Variants in GRHL2 observed in about 807,000 individuals in gnomAD.
GRHL2 encodes the protein grainyhead like transcription factor 2, also known as grainyhead-like protein 2 homolog.
In GRHL2, 21 loss-of-function variants were observed where a neutral mutation model predicts 83.8. The observed-to-expected ratio is 0.25, with a 90% confidence interval of 0.18 to 0.36. GRHL2 has a LOEUF of 0.36. Ranked by LOEUF, GRHL2 falls within the 10% of genes least tolerant of loss-of-function variation. GRHL2 has a pLI of 1.00. For synonymous variants in GRHL2, 280 were observed against 278.9 expected (o/e 1.00, Z -0.04); for missense variants, 623 against 781.8 (o/e 0.80, Z 2.42).
At chr8:101,617,542 C>T (rs1350921031) in intron 8 of GRHL2, among the ~76,000 whole-genome samples, 3 of 152,148 alleles carry the variant, frequency 2.0e-5, no homozygotes, top group African/African-American at 7.2e-5. Flanking sequence ...CTCTCTCTGT[C>T]ACCCAGGTTG....
rs548050492 is a variant in GRHL2, at chr8:101,621,528, G to A, written c.1257+1831G>A. ...GATAATGCTCTAAGAAAACAAGCTGGAAAACAATAAAATTTTTAAAATCAG... is the reference window on the plus strand; with the variant it reads ...GATAATGCTCTAAGAAAACAAGCTGAAAAACAATAAAATTTTTAAAATCAG... On this transcript the variant is annotated intron_variant, in intron 9 of 15. Transcript: ENST00000646743. 3.3e-5 allele frequency among the ~76,000 whole-genome samples: 5 copies of A among 152,064 alleles called. No individual in the cohort carries two copies. In the East Asian group the frequency reaches 9.6e-4, roughly 29 times the overall value.
chr8:101,513,868 C>T (rs1480425562), intron 1 of GRHL2, among the ~76,000 whole-genome samples: 6 of 152,056 alleles, frequency 3.9e-5, no homozygotes, highest in East Asian at 3.9e-4. Flanking sequence ...CTTTATTATG[C>T]GCTGCAACAA....
chr8:101,644,661 T>G (rs1813473187), intron 13 of GRHL2, among the ~76,000 whole-genome samples: 1 of 152,180 alleles, frequency 6.6e-6, no homozygotes, highest in African/African-American at 2.4e-5. Flanking sequence ...AAGGTCTTAT[T>G]CTGCTTCACC....
chr8:101,558,662 G>C lies in GRHL2; in HGVS notation c.528G>C (p.Arg176=). ...VFMAPPVHYP[R]GDGEEQRVVI... ...TGGCCCCACCTGTGCACTATCCCCG[G>C]GGAGATGGGGAAGAGCAACGAGTGG... Residue 176 remains arginine, a synonymous_variant, in exon 4 of 16, where the codon CGG becomes CGC. Transcript: ENST00000646743. 5 of 1,614,142 alleles carry C rather than the reference G, an allele frequency of 3.1e-6. No individual in the cohort carries two copies. The highest frequency in any genetic ancestry group is 4.2e-6 in the Non-Finnish European group (5 of 1,180,020).
At chr8:101,636,817 T>C (rs907574293) in intron 11 of GRHL2, 80 bp from the exon 12 acceptor site, 2 of 1,262,514 alleles carry the variant, frequency 1.6e-6, no homozygotes, top group East Asian at 2.3e-5. Context: ...GTTTATGCCT[T>C]AGGAAAGTCT....
In GRHL2 at chr8:101,502,726, ACCTCCT is replaced by A. The variant is rs539176678; in HGVS notation, c.20+9957_20+9962del. Among the ~76,000 whole-genome samples the A allele has an allele frequency of 3.6e-3, 534 of 149,606 alleles. 5 individuals are homozygous for A. The highest frequency in any genetic ancestry group is 0.012 in the African/African-American group (486 of 40,708). On this transcript the variant is annotated intron_variant, in intron 1 of 15. Transcript: ENST00000646743. Reference sequence around the variant, plus strand: ...AAACCTTAAGTAGGTGAAAGGGATGACCTCCTCCTCCTCCTCCTCCTCCTCTTCCTC... The same window carrying A: ...AAACCTTAAGTAGGTGAAAGGGATGACCTCCTCCTCCTCCTCCTCTTCCTC...
chr8:101,579,122 G>A (rs1397111215), intron 7 of GRHL2, among the ~76,000 whole-genome samples: 1 of 152,196 alleles, frequency 6.6e-6, no homozygotes, highest in Admixed American at 6.5e-5. Context: ...GACTAGGACG[G>A]GGATTGGGGA....
chr8:101,585,955 G>A (rs1325235986), intron 7 of GRHL2, among the ~76,000 whole-genome samples: 1 of 151,772 alleles, frequency 6.6e-6, no homozygotes, highest in Non-Finnish European at 1.5e-5. Flanking sequence ...GCTCCCTCTG[G>A]TTCCCTCCAG....
At chr8:101,493,641 C>A (rs1586387892) in intron 1 of GRHL2, among the ~76,000 whole-genome samples, 1 of 152,154 alleles carries the variant, frequency 6.6e-6, no homozygotes, top group Non-Finnish European at 1.5e-5. Context: ...CGGCCCTCCA[C>A]GCAGTTGGCC....
chr8:101,551,022 G>A (rs1184750622), intron 2 of GRHL2, among the ~76,000 whole-genome samples: 1 of 152,086 alleles, frequency 6.6e-6, no homozygotes, highest in Non-Finnish European at 1.5e-5. Context: ...TGGACATTTG[G>A]GTGGTTTCCT....
the GRHL2 span, among the ~76,000 whole-genome samples, chr8:101,675,477 A>G: frequency 6.6e-6 from 1 of 151,994 alleles, no homozygotes; most frequent in Non-Finnish European, 1.5e-5. Context: ...AGAGAGAATA[A>G]AATACTTAGG....
At chr8:101,643,605 T>C (rs1476260095) in intron 12 of GRHL2, among the ~76,000 whole-genome samples, 2 of 152,056 alleles carry the variant, frequency 1.3e-5, no homozygotes, top group Non-Finnish European at 2.9e-5. Flanking sequence ...ACCACTGCAG[T>C]CTCATCTGCT....
intron 1 of GRHL2, among the ~76,000 whole-genome samples, chr8:101,519,489 C>T: frequency 6.6e-6 from 1 of 151,806 alleles, no homozygotes; most frequent in Non-Finnish European, 1.5e-5. Context: ...GCCTCAGACT[C>T]CTGGGTTTAA....
At position 101,573,679 on chromosome 8, in the gene GRHL2, A is replaced by C. The variant is rs1171190689; in HGVS notation, c.746A>C (p.Gln249Pro). The C allele has an allele frequency of 6.2e-7, 1 of 1,614,224 alleles. No homozygotes were observed. The highest frequency in any genetic ancestry group is 1.1e-5 in the South Asian group (1 of 91,084). Residue 249 changes from glutamine to proline, a missense_variant, in exon 6 of 16, where the codon CAG (glutamine) becomes CCG (proline). Coordinates refer to ENST00000646743, the MANE Select transcript of GRHL2 (RefSeq NM_024915.4). ...GTTTTCTTTCACAGTGGCACATTTCAGTACACCCTGGAAGCCACCAAATCT... is the reference window on the plus strand; with the variant it reads ...GTTTTCTTTCACAGTGGCACATTTCCGTACACCCTGGAAGCCACCAAATCT... Reference protein sequence around the residue: ...MYDQTSSGTFQYTLEATKSLR... With the variant: ...MYDQTSSGTFPYTLEATKSLR...
chr8:101,492,677 C>T lies in GRHL2; in HGVS notation c.-93C>T. ...AGCTCTTGTTCTGCCATCTCGGGCGCTCTCACACACCTTCACCTGCACAGA... is the reference window on the plus strand; with the variant it reads ...AGCTCTTGTTCTGCCATCTCGGGCGTTCTCACACACCTTCACCTGCACAGA... On this transcript the variant is annotated 5_prime_UTR_variant, in exon 1 of 16. Coordinates refer to ENST00000646743, the MANE Select transcript of GRHL2 (RefSeq NM_024915.4). The T allele has an allele frequency of 9.3e-7, 1 of 1,074,516 alleles. No individual in the cohort carries two copies. 66.6% of individuals were successfully genotyped at this position (1,074,516 alleles called of 1,614,324 possible).
chr8:101,546,115 C>T (rs1228763100), intron 2 of GRHL2, among the ~76,000 whole-genome samples: 5 of 151,932 alleles, frequency 3.3e-5, no homozygotes, highest in South Asian at 4.2e-4. Context: ...CTCTTGACCT[C>T]GTGATCTGCC....
intron 7 of GRHL2, among the ~76,000 whole-genome samples, chr8:101,579,504 C>T (rs763556469): frequency 7.9e-5 from 12 of 152,194 alleles, no homozygotes; most frequent in Non-Finnish European, 1.5e-4. Context: ...TAAGTAGCTT[C>T]ATGGGTAGCT....
chr8:101,590,040 G>A (rs1812246513), intron 7 of GRHL2, among the ~76,000 whole-genome samples: 1 of 152,052 alleles, frequency 6.6e-6, no homozygotes, highest in South Asian at 2.1e-4. Flanking sequence ...AAGATACCAA[G>A]AAAAACTGTC....
At chr8:101,523,588 A>G (rs1355864612) in intron 1 of GRHL2, among the ~76,000 whole-genome samples, 1 of 151,198 alleles carries the variant, frequency 6.6e-6, no homozygotes, top group Non-Finnish European at 1.5e-5. Flanking sequence ...TGATCCTTCC[A>G]CCTCAGCCTC....
Sources: allele counts gnomAD v4.1 joint callset (sites outside exome capture counted in the v4.1 genomes callset), GRCh38; gene constraint gnomAD v4.1.1; transcripts MANE v1.5; gene names NCBI Gene and HGNC (gene_info 2026-07-23, HGNC 2026-07-21).